The following GPR176 variants were observed in gnomAD, a reference collection of about 807,000 sequenced individuals.
GPR176 encodes the protein G-protein coupled receptor 176.
In GPR176, 26 loss-of-function variants were observed where a neutral mutation model predicts 35.4. The ratio of observed to expected loss-of-function variants is 0.74; its 90% CI spans 0.54 to 1.02. The LOEUF (loss-of-function observed/expected upper bound fraction) is 1.02. GPR176 is among the 50% of genes least tolerant of loss of function. GPR176 has a pLI of 0.00. For missense variants in GPR176, 597 were observed against 665.3 expected, an observed-to-expected ratio of 0.90 and a Z score of 1.13; for synonymous variants, 278 against 271.3, an observed-to-expected ratio of 1.02 and a Z score of -0.24.
intron 1 of GPR176, among the ~76,000 whole-genome samples, chr15:39,874,900 G>A (rs1595498902): frequency 6.6e-6 from 1 of 152,258 alleles, no homozygotes; most frequent in South Asian, 2.1e-4. Context: ...AAAATTAGCT[G>A]GGCATGATGG....
At chr15:39,823,525 C>T (rs1250169653) in intron 1 of GPR176, among the ~76,000 whole-genome samples, 3 of 152,160 alleles carry the variant, frequency 2.0e-5, no homozygotes, top group African/African-American at 7.2e-5. Flanking sequence ...TCTCTCCATC[C>T]CCACTAGCAC....
At chr15:39,829,291 C>T (rs1900903722) in intron 1 of GPR176, 2 of 1,408,198 alleles carry the variant, frequency 1.4e-6, no homozygotes, top group Middle Eastern at 2.1e-4. Context: ...AGGGAAAGAA[C>T]TTGGTGAGAG....
At chr15:39,900,040 T>C (rs898641029) in intron 1 of GPR176, among the ~76,000 whole-genome samples, 5 of 152,126 alleles carry the variant, frequency 3.3e-5, no homozygotes, top group Admixed American at 3.3e-4. Context: ...TAATGTTATA[T>C]AGTATAATCA....
At chr15:39,913,111 A>G (rs2033623167) in intron 1 of GPR176, among the ~76,000 whole-genome samples, 1 of 152,266 alleles carries the variant, frequency 6.6e-6, no homozygotes, top group South Asian at 2.1e-4. Flanking sequence ...ACAATGAAAT[A>G]TGATTCAGCA....
At chr15:39,804,962 A>G (rs1899101188) in intron 2 of GPR176, among the ~76,000 whole-genome samples, 1 of 152,230 alleles carries the variant, frequency 6.6e-6, no homozygotes. Flanking sequence ...CTGTAAGTAA[A>G]TGGGCACAAG....
chr15:39,802,238 A>G lies in GPR176; in HGVS notation c.442T>C (p.Tyr148His). 6.2e-7 allele frequency: 1 copy of G among 1,609,754 alleles called. No individual in the cohort carries two copies. ...TCAGATATTTTCCTCTCCAGTGGAT[A>G]GAGGACTGAGTAGTACCTGCAAGAT... The part of the protein sequence containing the change: ...IALDRYYSVL[Y>H]PLERKISDAK... The change falls in exon 3 of 3, where the codon TAT becomes CAT. Residue 148 changes from tyrosine (Y) to histidine (H), a missense_variant. By Grantham distance (83) the Tyr-to-His change is moderately conservative (BLOSUM62 2). Around this residue, in one of 3 missense-constraint regions of GPR176, gnomAD observed 220 missense variants for 297.6 expected, o/e 0.74. Transcript: ENST00000561100.
chr15:39,801,635 T>G lies in GPR176; in HGVS notation c.1045A>C (p.Ser349Arg), dbSNP rs1898867935. The change falls in exon 3 of 3, where the codon AGT becomes CGT. Residue 349 changes from serine to arginine, a missense_variant. Physicochemically the swap from Ser to Arg is moderately radical, Grantham distance 110 (BLOSUM62 -1). Coordinates refer to ENST00000561100, the MANE Select transcript of GPR176 (RefSeq NM_007223.3). ...GCCTCAGCCATGCCACTCCCTGTAC[T>G]GACCACATTACGGCGACTGTACCGG... ...HHRYSRRNVV[S>R]TGSGMAEASL... 3 of 1,614,020 alleles carry G rather than the reference T, an allele frequency of 1.9e-6. No individual in the cohort carries two copies. Among genetic ancestry groups the G allele is most frequent in the Non-Finnish European group, 1.7e-6 (2 of 1,179,986 alleles).
At chr15:39,886,008 T>C (rs2032660132) in intron 1 of GPR176, among the ~76,000 whole-genome samples, 1 of 151,976 alleles carries the variant, frequency 6.6e-6, no homozygotes, top group South Asian at 2.1e-4. Context: ...CCAAGGTGGG[T>C]GGATCACCTG....
chr15:39,854,453 C>T (rs2031074424), intron 1 of GPR176, among the ~76,000 whole-genome samples: 1 of 152,094 alleles, frequency 6.6e-6, no homozygotes, highest in Non-Finnish European at 1.5e-5. Flanking sequence ...AAAGTATTAC[C>T]TAAGACTTCT....
At chr15:39,824,668 TTTG>T (rs1351743420) in intron 1 of GPR176, among the ~76,000 whole-genome samples, 2 of 152,204 alleles carry the variant, frequency 1.3e-5, no homozygotes, top group African/African-American at 4.8e-5. Context: ...TAAATATGTA[TTTG>T]TTAACTGGAA....
At position 39,800,876 on chromosome 15, in the gene GPR176, G is replaced by C; in HGVS notation, c.*256C>G. On this transcript the variant is annotated 3_prime_UTR_variant, in exon 3 of 3. Transcript: ENST00000561100. The stretch of plus-strand genomic sequence containing the variant: ...CTCAAGACCCATTCAAAACTGCCCA[G>C]CTCTTGTCCCCACAGAGAATAATGT... 1 of 413,678 alleles carries C rather than the reference G, an allele frequency of 2.4e-6. No homozygotes were observed. The highest frequency in any genetic ancestry group is 5.3e-5 in the East Asian group (1 of 19,040). 25.6% of individuals were successfully genotyped at this position (413,678 alleles called of 1,614,324 possible).
Position 39,859,288 on chromosome 15 carries a change from A to C in GPR176, c.173-52030T>G, listed in dbSNP as rs2031440922. On this transcript the variant is annotated intron_variant, in intron 1 of 2. Coordinates refer to ENST00000561100, the MANE Select transcript of GPR176 (RefSeq NM_007223.3). ...TATATATGTTATATGTATATCCAGA[A>C]TATATAAAAAATTCCTAACAACACA... Among the ~76,000 whole-genome samples, 3 of 152,170 alleles carry C rather than the reference A, an allele frequency of 2.0e-5. No individual in the cohort carries two copies. In the South Asian group the frequency reaches 6.2e-4, roughly 31 times the overall value.
intron 1 of GPR176, among the ~76,000 whole-genome samples, chr15:39,855,090 C>A (rs1204287243): frequency 6.6e-6 from 1 of 151,388 alleles, no homozygotes; most frequent in Non-Finnish European, 1.5e-5. Context: ...TCCTTGGAAA[C>A]CTTGAAACTT....
At chr15:39,918,788 A>G (rs927461911) in intron 1 of GPR176, among the ~76,000 whole-genome samples, 3 of 152,234 alleles carry the variant, frequency 2.0e-5, no homozygotes, top group African/African-American at 7.2e-5. Context: ...TGACAATTAG[A>G]GAAAGTATGA....
rs114768321 is a variant in GPR176 at position 39,903,545 on chromosome 15, C to T, written c.172+16310G>A. ...AAAAAATGAGAATGATTACTTGTGG[C>T]TTAGCATAATATTTTCAGTGGCTAC... On this transcript the variant is annotated intron_variant, in intron 1 of 2. Transcript: ENST00000561100. Among the ~76,000 whole-genome samples, 701 of 151,504 alleles carry T rather than the reference C, an allele frequency of 4.6e-3. 6 individuals carry two copies. The highest frequency in any genetic ancestry group is 0.016 in the African/African-American group (673 of 41,366).
Position 39,843,887 on chromosome 15 carries a change from G to C in GPR176, c.173-36629C>G, listed in dbSNP as rs189279869. Among the ~76,000 whole-genome samples the C allele has an allele frequency of 4.5e-4, 68 of 152,140 alleles. 2 individuals carry two copies. In the East Asian group the frequency reaches 0.012, roughly 27 times the overall value. Reference sequence around the variant, plus strand: ...TCATTTAATTTCCTCTTCAGTCCTAGGGGAGGCCTATAAAGCTTAGAGAAA... The same window carrying C: ...TCATTTAATTTCCTCTTCAGTCCTACGGGAGGCCTATAAAGCTTAGAGAAA... On this transcript the variant is annotated intron_variant, in intron 1 of 2. Transcript: ENST00000561100.
At chr15:39,842,028 G>C (rs1164812089) in intron 1 of GPR176, among the ~76,000 whole-genome samples, 1 of 152,094 alleles carries the variant, frequency 6.6e-6, no homozygotes, top group East Asian at 1.9e-4. Flanking sequence ...CTAATGATGA[G>C]TGCTATAGTC....
At chr15:39,909,746 T>C in intron 1 of GPR176, 2 of 181,020 alleles carry the variant, frequency 1.1e-5, no homozygotes, top group Non-Finnish European at 2.1e-5. Flanking sequence ...TATTTCTCTT[T>C]TAATGCTGAT....
chr15:39,908,602 G>C (rs1450369075), intron 1 of GPR176, among the ~76,000 whole-genome samples: 1 of 150,060 alleles, frequency 6.7e-6, no homozygotes, highest in East Asian at 1.9e-4. Context: ...ACAAGGGGTA[G>C]AATTAGGCTC....
Sources: gnomAD v4.1 joint callset for allele counts (sites outside exome capture counted in the v4.1 genomes callset) on GRCh38, gnomAD v4.1.1 for gene constraint, gnomAD v4.1.1 regional missense constraint, MANE v1.5 for transcripts, NCBI Gene and HGNC (gene_info 2026-07-23, HGNC 2026-07-21) for gene names.